The following SLC5A5 variants were observed in gnomAD, a reference collection of about 807,000 sequenced individuals.
SLC5A5 encodes solute carrier family 5 member 5.
SLC5A5 carries 56 observed loss-of-function variants against 68.6 expected under a neutral mutation model. That is an observed-to-expected ratio of 0.82 (90% CI 0.66 to 1.02). SLC5A5 has a LOEUF of 1.02. Among genes scored for constraint, SLC5A5 ranks in the 50% least tolerant of loss-of-function variants. The probability of loss-of-function intolerance (pLI) is 0.00; values close to 1 mark genes in which losing one functional copy is unlikely to be tolerated. For synonymous variants in SLC5A5, 398 were observed against 373.0 expected, an observed-to-expected ratio of 1.07 and a Z score of -0.77; for missense variants, 807 against 859.8, an observed-to-expected ratio of 0.94 and a Z score of 0.77.
chr19:17,883,314 G>GA (rs1333146054), intron 10 of SLC5A5, among the ~76,000 whole-genome samples: 1 of 104,110 alleles, frequency 9.6e-6, no homozygotes, highest in African/African-American at 3.4e-5. Context: ...GAATTGGGAA[G>GA]GGGGAGGTGG....
Position 17,888,460 on chromosome 19 carries a change from G to A in SLC5A5, c.1651+5G>A, listed in dbSNP as rs767118302. On this transcript the variant is annotated splice_donor_5th_base_variant and intron_variant, in intron 13 of 14. Transcript: ENST00000222248. ...CCCTCATCAGCTGCCTGACAGGTAG[G>A]TAAACAGAGCATGTGGCCTCAGAGG... 3 of 1,613,624 alleles carry A rather than the reference G, an allele frequency of 1.9e-6. No individual in the cohort carries two copies. The highest frequency in any genetic ancestry group is 3.3e-5 in the Admixed American group (2 of 59,978).
In SLC5A5 at chr19:17,893,994, A is replaced by T. The variant is rs2030308562; in HGVS notation, c.*117A>T. 9.9e-7 allele frequency: 1 copy of T among 1,005,606 alleles called. No individual in the cohort carries two copies. The highest frequency in any genetic ancestry group is 1.6e-5 in the African/African-American group (1 of 62,578). The allele number at this position is 1,005,606 out of a possible 1,614,324, so 62.3% of individuals were successfully genotyped here. A position where few individuals can be genotyped will look rare whatever the true frequency, so the allele number is the denominator to read the frequency against. ...GGCTGGATTGCCTTGTATGCAAATG[A>T]GTTCAGGACTACAATACCCTACCCT... On this transcript the variant is annotated 3_prime_UTR_variant, in exon 15 of 15. Coordinates refer to ENST00000222248, the MANE Select transcript of SLC5A5 (RefSeq NM_000453.3).
In SLC5A5 at chr19:17,876,289, C is replaced by T. The variant is rs551838530; in HGVS notation, c.698+183C>T. ...TACAAAAATACAAAAATTAGCTGGG[C>T]GTGGTGGTGCACCTGTGGTCCCAGG... On this transcript the variant is annotated intron_variant, in intron 5 of 14. Transcript: ENST00000222248. Among the ~76,000 whole-genome samples, 10 of 151,932 alleles carry T rather than the reference C, an allele frequency of 6.6e-5. No individual in the cohort carries two copies. In the South Asian group the frequency reaches 1.5e-3, roughly 22 times the overall value.
chr19:17,879,533 CG>C (rs971527978), intron 7 of SLC5A5, among the ~76,000 whole-genome samples: 10 of 152,018 alleles, frequency 6.6e-5, no homozygotes, highest in African/African-American at 2.4e-4. Context: ...AATTGAGGCT[CG>C]GGGGGAAGTC....
At chr19:17,874,469 C>A (rs1481967790) in intron 2 of SLC5A5, 25 bp from the exon 3 acceptor site, 1 of 1,613,460 alleles carries the variant, frequency 6.2e-7, no homozygotes, top group Admixed American at 1.7e-5. Flanking sequence ...CCTCCCTGCT[C>A]ACCCGCCCCA....
In SLC5A5 at chr19:17,877,780, G is replaced by T; in HGVS notation, c.756G>T (p.Thr252=). Reference sequence around the variant, plus strand: ...TCTGGACTTTTGTGGTGGGTGGCACGTTGGTGTGGCTCTCCATGTATGGCG... The same window carrying T: ...TCTGGACTTTTGTGGTGGGTGGCACTTTGGTGTGGCTCTCCATGTATGGCG... ...YTFWTFVVGG[T]LVWLSMYGVN... The change falls in exon 6 of 15, where the codon ACG becomes ACT. Residue 252 remains threonine, a synonymous_variant. Coordinates refer to ENST00000222248, the MANE Select transcript of SLC5A5 (RefSeq NM_000453.3). 4 of 1,614,244 alleles carry T rather than the reference G, an allele frequency of 2.5e-6. No homozygotes were observed. Among genetic ancestry groups the T allele is most frequent in the African/African-American group, 1.3e-5 (1 of 75,064 alleles).
chr19:17,894,141 CTCT>C lies in SLC5A5; in HGVS notation c.*266_*268del. 7.9e-6 allele frequency: 3 copies of C among 381,572 alleles called. No homozygotes were observed. The highest frequency in any genetic ancestry group is 9.5e-6 in the Non-Finnish European group (2 of 211,338). The allele number at this position is 381,572 out of a possible 1,614,324, so 23.6% of individuals were successfully genotyped here. A position where few individuals can be genotyped will look rare whatever the true frequency, so the allele number is the denominator to read the frequency against. ...CAAATAAGGCTGGGTTTTTCTCTCT[CTCT>C]TTTTTTTTTTTTTTTTTTTTTGAGA... On this transcript the variant is annotated 3_prime_UTR_variant, in exon 15 of 15. Transcript: ENST00000222248.
Position 17,894,007 on chromosome 19 carries a change from A to C in SLC5A5, c.*130A>C. ...TGTATGCAAATGAGTTCAGGACTAC[A>C]ATACCCTACCCTATGGGGAGGCCCT... On this transcript the variant is annotated 3_prime_UTR_variant, in exon 15 of 15. Transcript: ENST00000222248. 1 of 914,140 alleles carries C rather than the reference A, an allele frequency of 1.1e-6. No individual in the cohort carries two copies. The highest frequency in any genetic ancestry group is 1.7e-6 in the Non-Finnish European group (1 of 578,074). 56.6% of individuals were successfully genotyped at this position (914,140 alleles called of 1,614,324 possible).
chr19:17,872,218 T>TTCCCCCCCCCCCCCCCC lies in SLC5A5; in HGVS notation c.-102_-101insTCCCCCCCCCCCCCCCC. 1 of 456,252 alleles carries TTCCCCCCCCCCCCCCCC rather than the reference T, an allele frequency of 2.2e-6. No homozygotes were observed. The highest frequency in any genetic ancestry group is 4.2e-6 in the Non-Finnish European group (1 of 238,854). The allele number at this position is 456,252 out of a possible 1,614,324, so 28.3% of individuals were successfully genotyped here. On this transcript the variant is annotated 5_prime_UTR_variant, in exon 1 of 15. Coordinates refer to ENST00000222248, the MANE Select transcript of SLC5A5 (RefSeq NM_000453.3). ...AGCGGGGACAGGCTGCCGAGCATCC[T>TTCCCCCCCCCCCCCCCC]CCCACCCGCCCTCCCCGTCCTGCCT...
At chr19:17,880,004 A>G (rs1052348737) in intron 7 of SLC5A5, among the ~76,000 whole-genome samples, 5 of 151,500 alleles carry the variant, frequency 3.3e-5, no homozygotes, top group African/African-American at 9.7e-5. Flanking sequence ...GGATCAAGCC[A>G]TTCTCTTGCC....
intron 12 of SLC5A5, among the ~76,000 whole-genome samples, chr19:17,885,828 T>C (rs1227816344): frequency 6.6e-6 from 1 of 152,070 alleles, no homozygotes; most frequent in African/African-American, 2.4e-5. Flanking sequence ...GTAAATGGAA[T>C]CATAAAATAT....
chr19:17,879,235 G>C (rs1238743743), intron 7 of SLC5A5, among the ~76,000 whole-genome samples: 2 of 152,162 alleles, frequency 1.3e-5, no homozygotes. Flanking sequence ...GGAGGTTGCG[G>C]TGAGCTGAGA....
At chr19:17,878,243 T>TG (rs2094312364) in intron 7 of SLC5A5, 150 bp downstream of exon 7, 1 of 936,048 alleles carries the variant, frequency 1.1e-6, no homozygotes, top group African/African-American at 1.6e-5. Flanking sequence ...CGGCGGCTCA[T>TG]GCCTGTATCC....
chr19:17,887,146 G>T (rs1313049586), intron 12 of SLC5A5, among the ~76,000 whole-genome samples: 1 of 152,126 alleles, frequency 6.6e-6, no homozygotes, highest in Non-Finnish European at 1.5e-5. Context: ...TCTTTTTATT[G>T]TTGAGTTATA....
At position 17,882,039 on chromosome 19, in the gene SLC5A5, C is replaced by T. The variant is rs2094321743; in HGVS notation, c.1138C>T (p.Pro380Ser). The T allele has an allele frequency of 6.2e-7, 1 of 1,614,014 alleles. No individual in the cohort carries two copies. Among genetic ancestry groups the T allele is most frequent in the South Asian group, 1.1e-5 (1 of 91,088 alleles). ...LIKPRLRSLA[P>S]RKLVIISKGL... is the part of the protein sequence containing the mutation. ...CAAACCTCGGCTGCGGAGCCTGGCACCCAGGAAACTCGTGATTATCTCCAA... is the reference window on the plus strand; with the variant it reads ...CAAACCTCGGCTGCGGAGCCTGGCATCCAGGAAACTCGTGATTATCTCCAA... Residue 380 changes from proline to serine, a missense_variant, in exon 9 of 15, where the codon CCC becomes TCC. By Grantham distance (74) the Pro-to-Ser change is moderately conservative. Transcript: ENST00000222248.
Position 17,888,323 on chromosome 19 carries a change from A to G in SLC5A5, c.1527-8A>G, listed in dbSNP as rs1477575355. ...AGGAGGTTCAAGTCTGTCTCTCCCA[A>G]CCTGCAGCTCAGGAATGGACGCCAG... On this transcript the variant is annotated splice_region_variant and splice_polypyrimidine_tract_variant and intron_variant, in intron 12 of 14. Coordinates refer to ENST00000222248, the MANE Select transcript of SLC5A5 (RefSeq NM_000453.3). The G allele has an allele frequency of 1.9e-6, 3 of 1,613,668 alleles. No individual in the cohort carries two copies. Among genetic ancestry groups the G allele is most frequent in the South Asian group, 1.1e-5 (1 of 91,068 alleles).
chr19:17,874,196 T>C lies in SLC5A5; in HGVS notation c.416T>C (p.Val139Ala), dbSNP rs1181870363. Residue 139 changes from valine to alanine, a missense_variant, in exon 2 of 15, where the codon GTA becomes GCA. Transcript: ENST00000222248. The part of the protein sequence containing the change: ...VRLCGTLQYI[V>A]ATMLYTGIVI... ...CTCTGCGGGACTTTGCAGTACATTG[T>C]AGCCACGGTGAGTGGCCTCGGCCCC... is the stretch of plus-strand genomic sequence containing the variant. 3 of 1,609,232 alleles carry C rather than the reference T, an allele frequency of 1.9e-6. No individual in the cohort carries two copies. The highest frequency in any genetic ancestry group is 2.6e-6 in the Non-Finnish European group (3 of 1,176,270).
At chr19:17,887,722 C>T (rs1026334249) in intron 12 of SLC5A5, among the ~76,000 whole-genome samples, 4 of 151,374 alleles carry the variant, frequency 2.6e-5, no homozygotes, top group Non-Finnish European at 5.9e-5. Flanking sequence ...CTCAGCCTCT[C>T]GAGTAGCTGG....
chr19:17,889,840 C>T (rs1452180872), intron 13 of SLC5A5, among the ~76,000 whole-genome samples: 3 of 152,160 alleles, frequency 2.0e-5, no homozygotes, highest in Non-Finnish European at 2.9e-5. Flanking sequence ...CCGGTGACTC[C>T]GCACTTGTTA....
Sources: allele counts gnomAD v4.1 joint callset (sites outside exome capture counted in the v4.1 genomes callset), GRCh38; gene constraint gnomAD v4.1.1; transcripts MANE v1.5; gene names NCBI Gene and HGNC (gene_info 2026-07-23, HGNC 2026-07-21).